TMEM217B: variants seen among roughly 807,000 people sequenced by gnomAD.
TMEM217B encodes putative transmembrane protein 217B.
the TMEM217B span, chr6:37,218,912 C>T: frequency 6.2e-7 from 1 of 1,614,160 alleles, no homozygotes; most frequent in Non-Finnish European, 8.5e-7. Flanking sequence ...AGTGCAACTG[C>T]CATTCCCTAG....
chr6:37,221,343 C>T, the TMEM217B span, among the ~76,000 whole-genome samples: 2 of 152,144 alleles, frequency 1.3e-5, no homozygotes, highest in African/African-American at 4.8e-5. Context: ...TGCACCACCA[C>T]ACCTGGCTAA....
At chr6:37,226,559 A>C in the TMEM217B span, among the ~76,000 whole-genome samples, 1 of 151,192 alleles carries the variant, frequency 6.6e-6, no homozygotes, top group African/African-American at 2.4e-5. Flanking sequence ...GGCCACCCAA[A>C]GTGCTGGGAT....
At chr6:37,255,855 T>G in the TMEM217B span, among the ~76,000 whole-genome samples, 351 of 152,288 alleles carry the variant, frequency 2.3e-3, 1 homozygote, top group African/African-American at 7.8e-3. Flanking sequence ...TCAATTTCCC[T>G]ATTTAAAAAG....
the TMEM217B span, among the ~76,000 whole-genome samples, chr6:37,242,104 A>C: frequency 6.6e-6 from 1 of 151,298 alleles, no homozygotes; most frequent in Non-Finnish European, 1.5e-5. Flanking sequence ...CTGAGGGAAG[A>C]GTTCTAGACT....
the TMEM217B span, among the ~76,000 whole-genome samples, chr6:37,222,504 T>C: frequency 6.6e-6 from 1 of 152,030 alleles, no homozygotes; most frequent in Non-Finnish European, 1.5e-5. Flanking sequence ...ACCTAGGAGG[T>C]CCCGCCCCGC....
the TMEM217B span, among the ~76,000 whole-genome samples, chr6:37,237,943 G>A: frequency 6.6e-6 from 1 of 152,142 alleles, no homozygotes; most frequent in Non-Finnish European, 1.5e-5. Context: ...GCCAGGGGAG[G>A]AAGTAAAATG....
chr6:37,213,260 G>T, the TMEM217B span, among the ~76,000 whole-genome samples: 1 of 152,218 alleles, frequency 6.6e-6, no homozygotes, highest in Non-Finnish European at 1.5e-5. Flanking sequence ...CTTCAGCTTT[G>T]CTTTAAAGTG....
chr6:37,252,635 A>ATTTT, the TMEM217B span, among the ~76,000 whole-genome samples: 237 of 60,316 alleles, frequency 3.9e-3, 1 homozygote, highest in Middle Eastern at 0.011. Flanking sequence ...ATATATATAT[A>ATTTT]TATTTTTTTT....
chr6:37,232,007 C>T, the TMEM217B span, among the ~76,000 whole-genome samples: 3 of 151,930 alleles, frequency 2.0e-5, no homozygotes, highest in African/African-American at 2.4e-5. Flanking sequence ...TTGCATGAAT[C>T]GAATTATCTG....
At chr6:37,246,248 G>C in the TMEM217B span, among the ~76,000 whole-genome samples, 1 of 152,152 alleles carries the variant, frequency 6.6e-6, no homozygotes, top group Non-Finnish European at 1.5e-5. Flanking sequence ...AAAACCACAA[G>C]CATCTATTTT....
At chr6:37,252,021 G>A in the TMEM217B span, among the ~76,000 whole-genome samples, 4 of 152,100 alleles carry the variant, frequency 2.6e-5, no homozygotes, top group Non-Finnish European at 1.5e-5. Flanking sequence ...AGCCTCCCGA[G>A]TAGCTGGGAT....
the TMEM217B span, among the ~76,000 whole-genome samples, chr6:37,240,245 G>A: frequency 0.068 from 10,377 of 152,254 alleles, 1,149 homozygotes; most frequent in African/African-American, 0.23. Context: ...TAGCGTAGGT[G>A]GGTGGTTCTG....
At chr6:37,218,846 C>T in the TMEM217B span, 1 of 1,614,198 alleles carries the variant, frequency 6.2e-7, no homozygotes, top group East Asian at 2.2e-5. Flanking sequence ...AAAACTCCAG[C>T]AGATGATGAA....
chr6:37,238,719 A>G, the TMEM217B span, among the ~76,000 whole-genome samples: 1 of 152,240 alleles, frequency 6.6e-6, no homozygotes, highest in Non-Finnish European at 1.5e-5. Flanking sequence ...AACAAGCATG[A>G]AGACAAAAAC....
At chr6:37,215,570 C>CAAAAAAAAAAAAAAAAA in the TMEM217B span, among the ~76,000 whole-genome samples, 24 of 72,378 alleles carry the variant, frequency 3.3e-4, no homozygotes, top group African/African-American at 9.6e-4. Flanking sequence ...GACTCTGTCT[C>CAAAAAAAAAAAAAAAAA]AAAAAAAAAA....
At chr6:37,222,286 C>G in the TMEM217B span, among the ~76,000 whole-genome samples, 3 of 152,212 alleles carry the variant, frequency 2.0e-5, no homozygotes, top group African/African-American at 7.2e-5. Flanking sequence ...CCCTTCCACC[C>G]GGGAATCGAT....
chr6:37,239,147 G>A, the TMEM217B span, among the ~76,000 whole-genome samples: 11 of 151,766 alleles, frequency 7.2e-5, no homozygotes, highest in African/African-American at 1.9e-4. Flanking sequence ...AACAAAAGCC[G>A]TATGTCTAAA....
At chr6:37,215,094 T>C in the TMEM217B span, 8 of 1,483,322 alleles carry the variant, frequency 5.4e-6, no homozygotes, top group Non-Finnish European at 7.3e-6. Context: ...AGCCTTGGTC[T>C]CCACCCTCGG....
At chr6:37,248,791 C>T in the TMEM217B span, among the ~76,000 whole-genome samples, 1 of 152,204 alleles carries the variant, frequency 6.6e-6, no homozygotes, top group Non-Finnish European at 1.5e-5. Context: ...TCTTTATATC[C>T]TGCATGAGCT....
Sources: allele counts gnomAD v4.1 joint callset (sites outside exome capture counted in the v4.1 genomes callset), GRCh38; gene constraint gnomAD v4.1.1; transcripts MANE v1.5; gene names NCBI Gene and HGNC (gene_info 2026-07-23, HGNC 2026-07-21).